The following PRUNE2 variants were observed in gnomAD, a reference collection of about 807,000 sequenced individuals.
The protein encoded by PRUNE2 is prune homolog 2 with BCH domain.
PRUNE2 carries 164 observed loss-of-function variants against 252.0 expected under a neutral mutation model. The observed-to-expected ratio is 0.65, with a 90% CI of 0.57 to 0.74. The LOEUF (loss-of-function observed/expected upper bound fraction) is 0.74. Among genes scored for constraint, PRUNE2 ranks in the 30% least tolerant of loss-of-function variants. The probability of loss-of-function intolerance (pLI) is 0.00; values close to 1 mark genes in which losing one functional copy is unlikely to be tolerated. For synonymous variants in PRUNE2, 1,292 were observed against 1,350.2 expected (o/e 0.96, Z 0.94); for missense variants, 3,495 against 3,711.0 (o/e 0.94, Z 1.51).
intron 6 of PRUNE2, chr9:76,786,866 AG>A (rs2055039005): frequency 1.3e-5 from 2 of 152,218 alleles, no homozygotes; most frequent in African/African-American, 4.8e-5. Context: ...TCCCCAATGT[AG>A]CCATGCAAAT....
intron 4 of PRUNE2, among the ~76,000 whole-genome samples, chr9:76,842,672 A>C (rs2059455771): frequency 6.6e-6 from 1 of 152,242 alleles, no homozygotes; most frequent in Admixed American, 6.5e-5. Flanking sequence ...AACTAGGCAA[A>C]GGATATGAAG....
At chr9:76,702,731 T>C (rs968710469) in intron 9 of PRUNE2, among the ~76,000 whole-genome samples, 14 of 152,198 alleles carry the variant, frequency 9.2e-5, no homozygotes, top group Middle Eastern at 3.2e-3. Context: ...CTTATCTAAC[T>C]ATAAGTTAGG....
chr9:76,786,885 C>G (rs1407331152), intron 6 of PRUNE2: 2 of 152,178 alleles, frequency 1.3e-5, no homozygotes, highest in African/African-American at 4.8e-5. Context: ...AATGAGAAAC[C>G]CAGTGGCTCC....
At chr9:76,665,668 G>A (rs771788417) in intron 9 of PRUNE2, among the ~76,000 whole-genome samples, 11 of 152,306 alleles carry the variant, frequency 7.2e-5, no homozygotes, top group South Asian at 2.1e-4. Flanking sequence ...ATTTAGACAC[G>A]TGAAGGTGCC....
chr9:76,744,140 T>G (rs1228379588), intron 6 of PRUNE2, among the ~76,000 whole-genome samples: 1 of 152,256 alleles, frequency 6.6e-6, no homozygotes, highest in African/African-American at 2.4e-5. Context: ...AGTCATTATC[T>G]ACCCACACAA....
At chr9:76,877,894 G>C (rs922711619) in intron 1 of PRUNE2, among the ~76,000 whole-genome samples, 3 of 152,202 alleles carry the variant, frequency 2.0e-5, no homozygotes, top group African/African-American at 7.2e-5. Flanking sequence ...AACTACTTAG[G>C]TATAGTGTAA....
chr9:76,788,987 C>T (rs1376298152), intron 6 of PRUNE2, among the ~76,000 whole-genome samples: 1 of 152,154 alleles, frequency 6.6e-6, no homozygotes, highest in Non-Finnish European at 1.5e-5. Context: ...TCCTTCTCTC[C>T]CAGGGAAGAC....
intron 11 of PRUNE2, among the ~76,000 whole-genome samples, chr9:76,648,569 G>A (rs185714265): frequency 2.6e-5 from 4 of 152,326 alleles, no homozygotes; most frequent in Admixed American, 6.5e-5. Context: ...TGAAAAAGCT[G>A]CATATTGTAT....
intron 1 of PRUNE2, among the ~76,000 whole-genome samples, chr9:76,888,433 T>A (rs2062239130): frequency 6.6e-6 from 1 of 151,934 alleles, no homozygotes; most frequent in Non-Finnish European, 1.5e-5. Context: ...AAAAATTAGC[T>A]GGGCGTGGTG....
At chr9:76,631,702 C>T (rs1415524139) in intron 15 of PRUNE2, among the ~76,000 whole-genome samples, 4 of 152,204 alleles carry the variant, frequency 2.6e-5, no homozygotes, top group African/African-American at 9.7e-5. Flanking sequence ...TTCAGGGGTA[C>T]ATGTGCAGGT....
intron 8 of PRUNE2, 113 bp from the exon 9 acceptor site, chr9:76,704,212 A>G: frequency 2.5e-6 from 1 of 404,096 alleles, no homozygotes; most frequent in Non-Finnish European, 3.4e-6. Flanking sequence ...TATTTTTTAT[A>G]TATTTTATTT....
chr9:76,890,643 T>C (rs995747764), intron 1 of PRUNE2, among the ~76,000 whole-genome samples: 2 of 152,126 alleles, frequency 1.3e-5, no homozygotes, highest in African/African-American at 4.8e-5. Context: ...ACCCAACATT[T>C]ACAAGGAAAT....
chr9:76,828,680 C>G (rs1284670818), intron 4 of PRUNE2, among the ~76,000 whole-genome samples: 2 of 152,056 alleles, frequency 1.3e-5, no homozygotes, highest in Non-Finnish European at 2.9e-5. Context: ...TTGTGTATAC[C>G]CTGTGGTCTG....
intron 9 of PRUNE2, among the ~76,000 whole-genome samples, chr9:76,667,687 T>C (rs532543063): frequency 6.6e-6 from 1 of 152,206 alleles, no homozygotes; most frequent in Non-Finnish European, 1.5e-5. Context: ...TTCCTTCAAC[T>C]GCTGCTCAGC....
At chr9:76,775,335 C>T (rs1409926537) in intron 6 of PRUNE2, among the ~76,000 whole-genome samples, 1 of 152,052 alleles carries the variant, frequency 6.6e-6, no homozygotes, top group Admixed American at 6.5e-5. Flanking sequence ...CTCACTCTGT[C>T]TCCCAGCCTG....
chr9:76,889,517 G>A (rs1042778766), intron 1 of PRUNE2, among the ~76,000 whole-genome samples: 4 of 151,898 alleles, frequency 2.6e-5, no homozygotes, highest in African/African-American at 4.8e-5. Flanking sequence ...ACGAGGTCTC[G>A]CTAAGTTGAC....
intron 4 of PRUNE2, among the ~76,000 whole-genome samples, chr9:76,839,608 G>C (rs2059267798): frequency 6.6e-6 from 1 of 152,170 alleles, no homozygotes; most frequent in Admixed American, 6.5e-5. Context: ...TAGGATGCTT[G>C]GATTTTGAGT....
At chr9:76,844,363 G>C (rs2059558885) in intron 4 of PRUNE2, among the ~76,000 whole-genome samples, 1 of 152,092 alleles carries the variant, frequency 6.6e-6, no homozygotes, top group Non-Finnish European at 1.5e-5. Context: ...CCAGTCTCTT[G>C]CTCCCTCCCT....
intron 6 of PRUNE2, among the ~76,000 whole-genome samples, chr9:76,801,582 T>TAG (rs1212387001): frequency 6.6e-6 from 1 of 152,168 alleles, no homozygotes; most frequent in Non-Finnish European, 1.5e-5. Flanking sequence ...ACCTATCTCT[T>TAG]AAATCTTACC....
Sources: gnomAD v4.1 joint callset for allele counts (sites outside exome capture counted in the v4.1 genomes callset) on GRCh38, gnomAD v4.1.1 for gene constraint, MANE v1.5 for transcripts, NCBI Gene and HGNC (gene_info 2026-07-23, HGNC 2026-07-21) for gene names.